IQCH: variants seen among roughly 807,000 people sequenced by gnomAD.
IQCH encodes IQ domain-containing protein H.
IQCH carries 98 observed loss-of-function variants against 117.0 expected under a neutral mutation model. That is an observed-to-expected ratio of 0.84 (90% CI 0.71 to 0.99). The LOEUF (loss-of-function observed/expected upper bound fraction) is 0.99, where lower values mean the gene tolerates loss of function less well. IQCH is among the 50% of genes least tolerant of loss of function. The probability of loss-of-function intolerance (pLI) is 0.00; values close to 1 mark genes in which losing one functional copy is unlikely to be tolerated. For synonymous variants in IQCH, 412 were observed against 448.2 expected, an observed-to-expected ratio of 0.92 and a Z score of 1.02; for missense variants, 1,102 against 1,243.8, an observed-to-expected ratio of 0.89 and a Z score of 1.72.
intron 6 of IQCH, among the ~76,000 whole-genome samples, chr15:67,348,308 ACT>A (rs1458951631): frequency 6.6e-6 from 1 of 151,642 alleles, no homozygotes; most frequent in East Asian, 1.9e-4. Flanking sequence ...AAGAAATAAA[ACT>A]CTCTTTGCAA....
chr15:67,273,762 T>A (rs577412592), intron 3 of IQCH, among the ~76,000 whole-genome samples: 1 of 152,104 alleles, frequency 6.6e-6, no homozygotes, highest in Non-Finnish European at 1.5e-5. Context: ...TACCAGTGAG[T>A]TTTTTTACCT....
rs945475646 is a variant in IQCH, at chr15:67,453,077, A to G, written c.2506-12050A>G. On this transcript the variant is annotated intron_variant, in intron 16 of 20. Coordinates refer to ENST00000335894, the MANE Select transcript of IQCH (RefSeq NM_001031715.3). This position sits in a 1 kb window ranked among gnomAD's most constrained non-coding sequence, Gnocchi z 5.8. ...TCGTGCCTTGGTTTTCAGCTCCATC[A>G]GGTCCTTTAAGGACTTCTCTGCATT... 6.6e-5 allele frequency among the ~76,000 whole-genome samples: 10 copies of G among 152,178 alleles called. No homozygotes were observed. The highest frequency in any genetic ancestry group is 2.4e-4 in the African/African-American group (10 of 41,434).
rs1374461660 is a variant in IQCH at position 67,431,764 on chromosome 15, T to C, written c.2505+10187T>C. Among the ~76,000 whole-genome samples, 1 of 152,222 alleles carries C rather than the reference T, an allele frequency of 6.6e-6. No individual in the cohort carries two copies. Among genetic ancestry groups the C allele is most frequent in the Non-Finnish European group, 1.5e-5 (1 of 68,034 alleles). ...CAATAGTTTTTTAGATTGTAGCCTC[T>C]TGTTTCTTGAGGAGCATGGTGATCT... On this transcript the variant is annotated intron_variant, in intron 16 of 20. Transcript: ENST00000335894. The surrounding 1 kb of genome is among the most constrained non-coding windows in gnomAD (Gnocchi z 4.8).
In IQCH at chr15:67,395,533, T is replaced by A; in HGVS notation, c.1875T>A (p.Pro625=). 6.2e-7 allele frequency: 1 copy of A among 1,613,840 alleles called. No individual in the cohort carries two copies. Among genetic ancestry groups the A allele is most frequent in the East Asian group, 2.2e-5 (1 of 44,876 alleles). ...ACAGTGCCAATGTGGCAGTTCCTCC[T>A]GGAATATATGATATTTATAGTCAGC... is the stretch of plus-strand genomic sequence containing the variant. ...VFDSANVAVP[P]GIYDIYSQQQ... is the part of the protein sequence containing the mutation. The change falls in exon 13 of 21, where the codon CCT becomes CCA. Residue 625 remains proline, a synonymous_variant. Transcript: ENST00000335894. The surrounding 1 kb of genome is among the most constrained non-coding windows in gnomAD (Gnocchi z 4.0).
chr15:67,479,903 GT>G lies in IQCH; in HGVS notation c.2799+4088del, dbSNP rs2083300445. 6.6e-6 allele frequency among the ~76,000 whole-genome samples: 1 copy of G among 152,188 alleles called. No homozygotes were observed. The highest frequency in any genetic ancestry group is 2.4e-5 in the African/African-American group (1 of 41,440). ...AAAGGGAAATGAGATCACTCTATGAGTTTATTTTTCCTTGACACATATGGGA... is the reference window on the plus strand; with the variant it reads ...AAAGGGAAATGAGATCACTCTATGAGTTATTTTTCCTTGACACATATGGGA... On this transcript the variant is annotated intron_variant, in intron 18 of 20. Coordinates refer to ENST00000335894, the MANE Select transcript of IQCH (RefSeq NM_001031715.3). This position sits in a 1 kb window ranked among gnomAD's most constrained non-coding sequence, Gnocchi z 4.6.
chr15:67,453,386 C>T lies in IQCH; in HGVS notation c.2506-11741C>T, dbSNP rs139430473. Among the ~76,000 whole-genome samples the T allele has an allele frequency of 5.6e-3, 846 of 152,206 alleles. 4 individuals carry two copies. Among genetic ancestry groups the T allele is most frequent in the African/African-American group, 0.02 (815 of 41,548 alleles). ...TACCTTTGGTCTTTGATGATGGTGA[C>T]GTACAGATGGGTTTTTGGTGTAGAT... On this transcript the variant is annotated intron_variant, in intron 16 of 20. Coordinates refer to ENST00000335894, the MANE Select transcript of IQCH (RefSeq NM_001031715.3). This position sits in a 1 kb window ranked among gnomAD's most constrained non-coding sequence, Gnocchi z 5.8.
At chr15:67,418,193 T>C (rs368381532) in intron 15 of IQCH, among the ~76,000 whole-genome samples, 4 of 152,144 alleles carry the variant, frequency 2.6e-5, no homozygotes, top group East Asian at 3.8e-4. Flanking sequence ...GCAGAGCCAG[T>C]AGTTACATTT....
chr15:67,300,475 T>A (rs1966971459), intron 4 of IQCH, among the ~76,000 whole-genome samples: 1 of 152,186 alleles, frequency 6.6e-6, no homozygotes, highest in South Asian at 2.1e-4. Context: ...CCTAAGACAG[T>A]GGTTGAGAGA....
In IQCH at chr15:67,404,190, G is replaced by A. The variant is rs1256180908; in HGVS notation, c.2097+3885G>A. On this transcript the variant is annotated intron_variant, in intron 14 of 20. Coordinates refer to ENST00000335894, the MANE Select transcript of IQCH (RefSeq NM_001031715.3). This position sits in a 1 kb window ranked among gnomAD's most constrained non-coding sequence, Gnocchi z 4.6. ...AATTAGACATTTGATATTAATTTGG[G>A]GATCACAAAGGTAGGAGAAGAACTA... The A allele has an allele frequency of 6.6e-6, 1 of 152,088 alleles. No individual in the cohort carries two copies. The highest frequency in any genetic ancestry group is 1.5e-5 in the Non-Finnish European group (1 of 68,020). 9.4% of individuals were successfully genotyped at this position (152,088 alleles called of 1,614,324 possible). A position where few individuals can be genotyped will look rare whatever the true frequency, so the allele number is the denominator to read the frequency against.
rs1185685169 is a variant in IQCH at position 67,425,472 on chromosome 15, C to G, written c.2505+3895C>G. Among the ~76,000 whole-genome samples the G allele has an allele frequency of 6.6e-6, 1 of 152,050 alleles. No individual in the cohort carries two copies. The highest frequency in any genetic ancestry group is 2.4e-5 in the African/African-American group (1 of 41,392). On this transcript the variant is annotated intron_variant, in intron 16 of 20. Coordinates refer to ENST00000335894, the MANE Select transcript of IQCH (RefSeq NM_001031715.3). This position sits in a 1 kb window ranked among gnomAD's most constrained non-coding sequence, Gnocchi z 5.5. ...ACTAAAAATACAAAAATTAGCTGGG[C>G]GTGGTGGCATGTGCCTGTAGTCCCA...
intron 4 of IQCH, among the ~76,000 whole-genome samples, chr15:67,280,489 T>C (rs1371973478): frequency 1.3e-5 from 2 of 152,214 alleles, no homozygotes; most frequent in Non-Finnish European, 2.9e-5. Context: ...CTTCCTAGTT[T>C]GCAGACAGTT....
intron 10 of IQCH, among the ~76,000 whole-genome samples, chr15:67,378,458 T>G (rs1445584843): frequency 6.7e-6 from 1 of 148,438 alleles, no homozygotes; most frequent in African/African-American, 2.5e-5. Flanking sequence ...GTTGCCATAC[T>G]AGATCCTTGG....
At position 67,390,903 on chromosome 15, in the gene IQCH, G is replaced by A. The variant is rs1971265111; in HGVS notation, c.1632+1897G>A. Among the ~76,000 whole-genome samples the A allele has an allele frequency of 2.0e-5, 3 of 152,224 alleles. No individual in the cohort carries two copies. The highest frequency in any genetic ancestry group is 7.2e-5 in the African/African-American group (3 of 41,468). On this transcript the variant is annotated intron_variant, in intron 12 of 20. Coordinates refer to ENST00000335894, the MANE Select transcript of IQCH (RefSeq NM_001031715.3). The surrounding 1 kb of genome is among the most constrained non-coding windows in gnomAD (Gnocchi z 5.0). ...CTCATTTTCTAGTCCAAGGTTACTA[G>A]TAAGGCCAGAGTGTGAACCAAAATC... is the stretch of plus-strand genomic sequence containing the variant.
intron 4 of IQCH, among the ~76,000 whole-genome samples, chr15:67,286,398 C>T (rs1966562669): frequency 6.6e-6 from 1 of 152,188 alleles, no homozygotes; most frequent in South Asian, 2.1e-4. Context: ...TTGACTTCTT[C>T]ATTTCCAATT....
At chr15:67,477,044 C>CTTTTTT (rs71455553) in intron 18 of IQCH, among the ~76,000 whole-genome samples, 27 of 71,138 alleles carry the variant, frequency 3.8e-4, no homozygotes, top group South Asian at 1.0e-3. Flanking sequence ...TCTTTTTCTT[C>CTTTTTT]TTTTTTTTTT....
rs1256148234 is a variant in IQCH, at chr15:67,454,203, T to C, written c.2506-10924T>C. 6.6e-6 allele frequency among the ~76,000 whole-genome samples: 1 copy of C among 152,216 alleles called. No homozygotes were observed. The highest frequency in any genetic ancestry group is 2.4e-5 in the African/African-American group (1 of 41,452). ...CAGGTGGGGCGATGCCTTGCCCTGC[T>C]TTGGCTCATGCATGGTGTGCTGCAC... is the stretch of plus-strand genomic sequence containing the variant. On this transcript the variant is annotated intron_variant, in intron 16 of 20. Coordinates refer to ENST00000335894, the MANE Select transcript of IQCH (RefSeq NM_001031715.3). The surrounding 1 kb of genome is among the most constrained non-coding windows in gnomAD (Gnocchi z 5.2).
At chr15:67,305,911 T>C (rs1272309780) in intron 4 of IQCH, among the ~76,000 whole-genome samples, 1 of 152,120 alleles carries the variant, frequency 6.6e-6, no homozygotes, top group Non-Finnish European at 1.5e-5. Context: ...ATGTTGTATC[T>C]ACATACTTTG....
chr15:67,339,415 G>A (rs1969042812), intron 5 of IQCH, among the ~76,000 whole-genome samples: 1 of 152,182 alleles, frequency 6.6e-6, no homozygotes, highest in Non-Finnish European at 1.5e-5. Flanking sequence ...GGACACATTT[G>A]TAGATCAAGA....
chr15:67,321,122 T>C (rs1253760368), intron 4 of IQCH, among the ~76,000 whole-genome samples: 1 of 152,202 alleles, frequency 6.6e-6, no homozygotes, highest in African/African-American at 2.4e-5. Flanking sequence ...CTTTCCTTCA[T>C]TAGTCACATT....
Sources: allele counts gnomAD v4.1 joint callset (sites outside exome capture counted in the v4.1 genomes callset), GRCh38; gene constraint gnomAD v4.1.1; non-coding constraint Gnocchi (gnomAD v3.1); transcripts MANE v1.5; gene names NCBI Gene and HGNC (gene_info 2026-07-23, HGNC 2026-07-21).